Variants in LYRM4 observed in about 807,000 individuals in gnomAD.
LYRM4 encodes the protein LYR motif-containing protein 4.
Under a neutral mutation model 11.7 loss-of-function variants are expected in LYRM4, and 9 were observed. The ratio of observed to expected loss-of-function variants is 0.77; its 90% confidence interval spans 0.46 to 1.34. LYRM4 has a LOEUF of 1.34. LYRM4 is among the 40% of genes most tolerant of loss of function. The pLI, the probability that LYRM4 is intolerant of heterozygous loss-of-function variation, is 0.00. For synonymous variants in LYRM4, 42 were observed against 40.4 expected (o/e 1.04, Z -0.15); for missense variants, 133 against 112.5 (o/e 1.18, Z -0.82).
Position 5,155,604 on chromosome 6 carries a change from C to T in LYRM4, c.208-46113G>A, listed in dbSNP as rs74703984. ...ATTTATATATCTTTTAAGGATGATA[C>T]GTTGCTGAACCAGGATGTCAGGGAA... On this transcript the variant is annotated intron_variant, in intron 2 of 2. Coordinates refer to ENST00000330636, the MANE Select transcript of LYRM4 (RefSeq NM_020408.6). 9.4e-3 allele frequency among the ~76,000 whole-genome samples: 1,432 copies of T among 152,234 alleles called. 26 individuals carry two copies. Among genetic ancestry groups the T allele is most frequent in the African/African-American group, 0.031 (1,290 of 41,512 alleles).
the LYRM4 span, chr6:5,086,329 G>A: frequency 2.6e-6 from 4 of 1,535,512 alleles, no homozygotes; most frequent in Admixed American, 2.0e-5. Context: ...GGCACCGTCT[G>A]GGGCCTCCGA....
intron 2 of LYRM4, among the ~76,000 whole-genome samples, chr6:5,215,179 G>A (rs1032218804): frequency 3.9e-5 from 6 of 152,028 alleles, no homozygotes; most frequent in Admixed American, 2.6e-4. Context: ...ATAATTTTAC[G>A]CTAAAGATAA....
chr6:5,186,521 C>T lies in LYRM4; in HGVS notation c.207+30097G>A, dbSNP rs968871508. The T allele has an allele frequency of 3.2e-6, 3 of 945,172 alleles. No homozygotes were observed. The African/African-American group carries it at 5.3e-5, about 17-fold the overall frequency. 58.5% of individuals were successfully genotyped at this position (945,172 alleles called of 1,614,324 possible). A position where few individuals can be genotyped will look rare whatever the true frequency, so the allele number is the denominator to read the frequency against. On this transcript the variant is annotated intron_variant, in intron 2 of 2. Transcript: ENST00000330636. ...TTTGGAGAAGGTTAAACTGAACTCC[C>T]ATCTCCTTTCTTATACCAAAATAAA... is the stretch of plus-strand genomic sequence containing the variant.
chr6:5,194,589 A>G (rs1278529426), intron 2 of LYRM4, among the ~76,000 whole-genome samples: 1 of 152,264 alleles, frequency 6.6e-6, no homozygotes, highest in African/African-American at 2.4e-5. Flanking sequence ...GTTAAGTCCT[A>G]TAAAAACATC....
chr6:5,159,738 C>T (rs1290178474), intron 2 of LYRM4, among the ~76,000 whole-genome samples: 3 of 152,198 alleles, frequency 2.0e-5, no homozygotes, highest in African/African-American at 7.2e-5. Context: ...GAATCACATT[C>T]TGGGAAGTTT....
intron 2 of LYRM4, among the ~76,000 whole-genome samples, chr6:5,199,881 G>T (rs1043794817): frequency 6.6e-6 from 1 of 152,164 alleles, no homozygotes; most frequent in African/African-American, 2.4e-5. Flanking sequence ...CTGCCCCCAA[G>T]GTGCTATAAG....
chr6:5,075,985 C>T, the LYRM4 span, among the ~76,000 whole-genome samples: 12 of 151,402 alleles, frequency 7.9e-5, no homozygotes, highest in East Asian at 3.9e-4. Context: ...AAACCCGTCA[C>T]GCAGGCTGGA....
the LYRM4 span, among the ~76,000 whole-genome samples, chr6:5,035,267 A>T: frequency 3.9e-5 from 6 of 151,956 alleles, no homozygotes; most frequent in Non-Finnish European, 1.5e-5. Flanking sequence ...AGTCCCATTG[A>T]ACTCTCTGTA....
chr6:5,035,234 A>G, the LYRM4 span, among the ~76,000 whole-genome samples: 1 of 151,996 alleles, frequency 6.6e-6, no homozygotes, highest in Non-Finnish European at 1.5e-5. Context: ...TGTGCTTCCC[A>G]CTACCCTTAC....
At chr6:5,176,379 A>G (rs774703049) in intron 2 of LYRM4, among the ~76,000 whole-genome samples, 1 of 152,194 alleles carries the variant, frequency 6.6e-6, no homozygotes, top group Non-Finnish European at 1.5e-5. Flanking sequence ...ATTAAATTTT[A>G]AGGTGGTAGA....
intron 2 of LYRM4, among the ~76,000 whole-genome samples, chr6:5,173,965 G>C (rs1051936907): frequency 6.7e-6 from 1 of 148,258 alleles, no homozygotes; most frequent in Non-Finnish European, 1.5e-5. Context: ...ACTATAGACT[G>C]GGGGGCTTTG....
chr6:5,064,165 A>G, the LYRM4 span, among the ~76,000 whole-genome samples: 1 of 151,286 alleles, frequency 6.6e-6, no homozygotes, highest in African/African-American at 2.4e-5. Context: ...TCCAAAGTCA[A>G]GGTTTTTGGA....
intron 1 of LYRM4, among the ~76,000 whole-genome samples, chr6:5,245,431 A>G (rs1764153499): frequency 6.6e-6 from 1 of 152,044 alleles, no homozygotes. Context: ...CACTGTGGAA[A>G]CAGTTAACTC....
intron 1 of LYRM4, among the ~76,000 whole-genome samples, chr6:5,230,429 C>T (rs1763169864): frequency 6.6e-6 from 1 of 152,046 alleles, no homozygotes; most frequent in South Asian, 2.1e-4. Flanking sequence ...CTTCTTTTTT[C>T]CCCCCACCTA....
At chr6:5,216,160 A>C (rs1465269367) in intron 2 of LYRM4, among the ~76,000 whole-genome samples, 1 of 152,222 alleles carries the variant, frequency 6.6e-6, no homozygotes, top group Non-Finnish European at 1.5e-5. Context: ...CTGCACCTGC[A>C]GATGCACCTC....
chr6:5,184,314 T>C (rs1488996920), intron 2 of LYRM4, among the ~76,000 whole-genome samples: 4 of 152,190 alleles, frequency 2.6e-5, no homozygotes, highest in Non-Finnish European at 5.9e-5. Flanking sequence ...TTCAAAATTA[T>C]AACTGGATAA....
At chr6:5,126,000 C>T (rs1183686824) in intron 2 of LYRM4, among the ~76,000 whole-genome samples, 8 of 152,334 alleles carry the variant, frequency 5.3e-5, no homozygotes, top group East Asian at 1.9e-4. Context: ...GGGCAGTTTG[C>T]GAAGACATCG....
chr6:5,186,820 C>T (rs1000329162), intron 2 of LYRM4: 1 of 570,490 alleles, frequency 1.8e-6, no homozygotes, highest in Non-Finnish European at 2.8e-6. Context: ...CACATCTCTA[C>T]TAAGAATACA....
the LYRM4 span, among the ~76,000 whole-genome samples, chr6:5,071,043 C>T: frequency 6.6e-6 from 1 of 151,830 alleles, no homozygotes; most frequent in South Asian, 2.1e-4. Context: ...CAAAAATTAC[C>T]TGGGCGTGGT....
Sources: allele counts gnomAD v4.1 joint callset (sites outside exome capture counted in the v4.1 genomes callset), GRCh38; gene constraint gnomAD v4.1.1; transcripts MANE v1.5; gene names NCBI Gene and HGNC (gene_info 2026-07-23, HGNC 2026-07-21).